Variants in MSRA observed in about 807,000 individuals in gnomAD.
MSRA encodes the protein methionine sulfoxide reductase A, also known as mitochondrial peptide methionine sulfoxide reductase.
A neutral mutation model predicts 31.3 loss-of-function variants in MSRA; 54 were observed. The observed-to-expected ratio is 1.73, with a 90% CI of 1.39 to 2.17. The LOEUF is 2.17. Among genes scored for constraint, MSRA ranks in the 30% most tolerant of loss-of-function variants. The pLI is 0.00. For missense variants in MSRA, 507 were observed against 300.9 expected, an observed-to-expected ratio of 1.69 and a Z score of -5.07; for synonymous variants, 169 against 116.5, an observed-to-expected ratio of 1.45 and a Z score of -2.90.
chr8:10,324,964 C>T (rs1441038340), intron 5 of MSRA, among the ~76,000 whole-genome samples: 2 of 152,182 alleles, frequency 1.3e-5, no homozygotes, highest in Non-Finnish European at 2.9e-5. Context: ...AGACAAGAGG[C>T]ACATGGCGTT....
intron 1 of MSRA, among the ~76,000 whole-genome samples, chr8:10,168,598 A>G (rs1805342211): frequency 6.6e-6 from 1 of 152,238 alleles, no homozygotes; most frequent in Non-Finnish European, 1.5e-5. Flanking sequence ...AATGAGTTGT[A>G]GTCTATTTTA....
intron 1 of MSRA, among the ~76,000 whole-genome samples, chr8:10,199,655 C>T (rs1021216949): frequency 6.6e-6 from 1 of 152,068 alleles, no homozygotes; most frequent in Non-Finnish European, 1.5e-5. Context: ...CACTAGTGGG[C>T]TTGTGCACTG....
At chr8:10,232,256 C>T (rs1811556525) in intron 2 of MSRA, among the ~76,000 whole-genome samples, 1 of 152,212 alleles carries the variant, frequency 6.6e-6, no homozygotes, top group African/African-American at 2.4e-5. Flanking sequence ...AGCCCAGCCT[C>T]CCTGTTGGTT....
chr8:10,279,068 A>G (rs758790667), intron 3 of MSRA, among the ~76,000 whole-genome samples: 4 of 152,176 alleles, frequency 2.6e-5, no homozygotes, highest in Non-Finnish European at 5.9e-5. Context: ...GGCATCATGC[A>G]GTTGTTTTCT....
intron 1 of MSRA, among the ~76,000 whole-genome samples, chr8:10,101,487 T>C (rs965584775): frequency 4.6e-5 from 7 of 152,184 alleles, no homozygotes; most frequent in Non-Finnish European, 7.4e-5. Flanking sequence ...TCTTTTCATC[T>C]TGCAAAACCA....
intron 3 of MSRA, among the ~76,000 whole-genome samples, chr8:10,253,608 G>GAAGGGAGAT (rs1209578940): frequency 2.0e-5 from 3 of 152,180 alleles, no homozygotes; most frequent in Admixed American, 2.0e-4. Context: ...CAAAGACTTA[G>GAAGGGAGAT]AAGGGAGATT....
intron 5 of MSRA, among the ~76,000 whole-genome samples, chr8:10,394,823 T>C (rs901476431): frequency 2.0e-5 from 3 of 152,260 alleles, no homozygotes; most frequent in African/African-American, 7.2e-5. Context: ...CCCAGTATCA[T>C]GATGGCTACT....
At chr8:10,136,512 TCA>T (rs1802290253) in intron 1 of MSRA, among the ~76,000 whole-genome samples, 1 of 152,224 alleles carries the variant, frequency 6.6e-6, no homozygotes, top group Non-Finnish European at 1.5e-5. Flanking sequence ...CCGTATGGAA[TCA>T]TATGTCTTGA....
chr8:10,154,067 G>T (rs1803943832), intron 1 of MSRA, among the ~76,000 whole-genome samples: 1 of 152,220 alleles, frequency 6.6e-6, no homozygotes, highest in African/African-American at 2.4e-5. Context: ...TAGCAGTGGA[G>T]AAGAGGAAAT....
intron 1 of MSRA, among the ~76,000 whole-genome samples, chr8:10,151,623 C>T (rs985264906): frequency 1.3e-5 from 2 of 152,186 alleles, no homozygotes; most frequent in African/African-American, 4.8e-5. Flanking sequence ...GCACTCCAGC[C>T]TGGGCGACAG....
chr8:10,300,841 A>G (rs1800805550), intron 3 of MSRA, among the ~76,000 whole-genome samples: 1 of 152,154 alleles, frequency 6.6e-6, no homozygotes, highest in Non-Finnish European at 1.5e-5. Flanking sequence ...CAGTACTGCA[A>G]ATACCCACCC....
At chr8:10,208,182 A>G (rs537208284) in intron 2 of MSRA, among the ~76,000 whole-genome samples, 2 of 152,060 alleles carry the variant, frequency 1.3e-5, no homozygotes, top group East Asian at 1.9e-4. Context: ...CTGCTAATTT[A>G]GGGTTTGAGT....
rs973183518 is a variant in MSRA at position 10,057,085 on chromosome 8, C to G, written c.142+2427C>G. Among the ~76,000 whole-genome samples, 10 of 152,326 alleles carry G rather than the reference C, an allele frequency of 6.6e-5. No individual in the cohort carries two copies. In the East Asian group the frequency reaches 9.6e-4, roughly 15 times the overall value. On this transcript the variant is annotated intron_variant, in intron 1 of 5. Transcript: ENST00000317173. ...TTCCACCTTGCAAGAAGGAAAGAGT[C>G]AAACCTTCAAAGTTTTTCAGTGTTT...
At chr8:10,257,711 T>A (rs1798256565) in intron 3 of MSRA, among the ~76,000 whole-genome samples, 1 of 152,246 alleles carries the variant, frequency 6.6e-6, no homozygotes, top group Non-Finnish European at 1.5e-5. Context: ...GTTAAATAAG[T>A]ACAGTTGTCT....
intron 1 of MSRA, among the ~76,000 whole-genome samples, chr8:10,196,698 C>T (rs1808020121): frequency 1.3e-5 from 2 of 152,168 alleles, no homozygotes; most frequent in South Asian, 2.1e-4. Context: ...TACAGGGATG[C>T]ACCACCATGC....
At chr8:10,179,031 C>G (rs150179127) in intron 1 of MSRA, among the ~76,000 whole-genome samples, 4 of 152,150 alleles carry the variant, frequency 2.6e-5, no homozygotes. Flanking sequence ...TTCGTGAGCA[C>G]TAGAAAGAGT....
intron 1 of MSRA, among the ~76,000 whole-genome samples, chr8:10,060,216 C>G (rs1477738788): frequency 6.6e-6 from 1 of 152,082 alleles, no homozygotes; most frequent in Non-Finnish European, 1.5e-5. Context: ...AACCCAGGTG[C>G]CTATCAGTAG....
chr8:10,236,081 C>T (rs371504949), intron 2 of MSRA, among the ~76,000 whole-genome samples: 1 of 152,108 alleles, frequency 6.6e-6, no homozygotes, highest in Admixed American at 6.5e-5. Flanking sequence ...AGAACTCATG[C>T]ATGATAAAAA....
chr8:10,183,734 C>G (rs908822802), intron 1 of MSRA, among the ~76,000 whole-genome samples: 1 of 149,252 alleles, frequency 6.7e-6, no homozygotes, highest in South Asian at 2.1e-4. Flanking sequence ...TCTCTGCGAG[C>G]TAAAGAGGAC....
Sources: allele counts gnomAD v4.1 joint callset (sites outside exome capture counted in the v4.1 genomes callset), GRCh38; gene constraint gnomAD v4.1.1; transcripts MANE v1.5; gene names NCBI Gene and HGNC (gene_info 2026-07-23, HGNC 2026-07-21).